SLC41A2: variants seen among roughly 807,000 people sequenced by gnomAD.
SLC41A2 encodes solute carrier family 41 member 2.
In SLC41A2, 32 loss-of-function variants were observed where a neutral mutation model predicts 58.3. The ratio of observed to expected loss-of-function variants is 0.55; its 90% CI spans 0.41 to 0.74. The LOEUF (loss-of-function observed/expected upper bound fraction) is 0.74, where lower values mean the gene tolerates loss of function less well. SLC41A2 is among the 30% of genes least tolerant of loss of function. The pLI, the probability that SLC41A2 is intolerant of heterozygous loss-of-function variation, is 0.00. For synonymous variants in SLC41A2, 190 were observed against 235.0 expected, an observed-to-expected ratio of 0.81 and a Z score of 1.75; for missense variants, 514 against 680.6, an observed-to-expected ratio of 0.76 and a Z score of 2.72.
upstream of SLC41A2, chr12:104,958,417 G>T (rs2048259179): frequency 6.6e-6 from 1 of 150,906 alleles, no homozygotes; most frequent in South Asian, 2.1e-4. Context: ...CCCGCGGGGC[G>T]GCGACCCGGA....
chr12:104,948,631 G>A (rs2047825456), intron 1 of SLC41A2, among the ~76,000 whole-genome samples: 1 of 152,182 alleles, frequency 6.6e-6, no homozygotes, highest in Non-Finnish European at 1.5e-5. Context: ...TTGAGTTCAT[G>A]ACTTTCTGAC....
intron 10 of SLC41A2, among the ~76,000 whole-genome samples, chr12:104,830,498 C>G (rs1247437963): frequency 3.3e-5 from 5 of 151,800 alleles, no homozygotes; most frequent in African/African-American, 1.2e-4. Context: ...TATTTTTGAT[C>G]CAAGGTTAGT....
intron 6 of SLC41A2, among the ~76,000 whole-genome samples, chr12:104,879,034 G>T (rs1365020694): frequency 1.3e-5 from 2 of 152,158 alleles, no homozygotes; most frequent in Non-Finnish European, 2.9e-5. Context: ...ATCTCATTGT[G>T]GTTTTGATTT....
intron 1 of SLC41A2, among the ~76,000 whole-genome samples, chr12:104,937,791 C>G (rs1362403939): frequency 2.0e-5 from 3 of 152,126 alleles, no homozygotes; most frequent in Non-Finnish European, 4.4e-5. Flanking sequence ...AAAGTCTGTA[C>G]TTTAAATGGT....
intron 6 of SLC41A2, among the ~76,000 whole-genome samples, chr12:104,870,397 T>C (rs1386617185): frequency 6.6e-6 from 1 of 152,248 alleles, no homozygotes; most frequent in Non-Finnish European, 1.5e-5. Context: ...GTAATTGTTC[T>C]GGTTTCCAGA....
intron 6 of SLC41A2, among the ~76,000 whole-genome samples, chr12:104,873,850 C>T (rs2043908116): frequency 1.3e-5 from 2 of 151,964 alleles, no homozygotes; most frequent in Non-Finnish European, 2.9e-5. Flanking sequence ...CTACTCAGGT[C>T]CTTTGCCCAG....
chr12:104,806,716 TCCAGGA>T (rs2040920949), intron 10 of SLC41A2, among the ~76,000 whole-genome samples: 1 of 152,032 alleles, frequency 6.6e-6, no homozygotes, highest in Non-Finnish European at 1.5e-5. Context: ...CCACATCCTC[TCCAGGA>T]CCTGTTGTTT....
chr12:104,946,068 T>C (rs926248090), intron 1 of SLC41A2, among the ~76,000 whole-genome samples: 4 of 152,248 alleles, frequency 2.6e-5, no homozygotes, highest in Admixed American at 2.6e-4. Context: ...CATTAAAATT[T>C]TTTTATCTTT....
chr12:104,853,708 AATGTATGTATGTATGTATGTATGT>A (rs57299241), intron 8 of SLC41A2, among the ~76,000 whole-genome samples: 43 of 142,680 alleles, frequency 3.0e-4, no homozygotes, highest in African/African-American at 1.1e-3. Flanking sequence ...TTTTTAAATA[AATGTATGTATGTATGTATGTATGT>A]ATGTATGTAT....
intron 4 of SLC41A2, among the ~76,000 whole-genome samples, chr12:104,894,519 C>A (rs975996836): frequency 6.6e-6 from 1 of 152,296 alleles, no homozygotes; most frequent in East Asian, 1.9e-4. Context: ...TGTGATCTTA[C>A]AAGCACTTGT....
intron 6 of SLC41A2, among the ~76,000 whole-genome samples, chr12:104,880,452 T>C (rs1295838602): frequency 1.3e-5 from 2 of 152,218 alleles, no homozygotes; most frequent in African/African-American, 4.8e-5. Flanking sequence ...GGCTGTGGGT[T>C]TGTCATAAAT....
At chr12:104,897,805 TGGCA>T (rs1300777696) in intron 3 of SLC41A2, among the ~76,000 whole-genome samples, 1 of 152,184 alleles carries the variant, frequency 6.6e-6, no homozygotes, top group Non-Finnish European at 1.5e-5. Context: ...GATAGAGGTA[TGGCA>T]GGACACAGAA....
At chr12:104,847,985 G>C (rs1351841896) in intron 8 of SLC41A2, among the ~76,000 whole-genome samples, 1 of 152,148 alleles carries the variant, frequency 6.6e-6, no homozygotes, top group Non-Finnish European at 1.5e-5. Flanking sequence ...AATACTATCA[G>C]CCAGTTTAAT....
intron 1 of SLC41A2, among the ~76,000 whole-genome samples, chr12:104,932,568 T>C (rs74458435): frequency 0.015 from 2,133 of 144,502 alleles, 63 homozygotes; most frequent in African/African-American, 0.052. Flanking sequence ...AAGGCTGCAG[T>C]GATTTGTGTT....
chr12:104,875,199 C>A (rs1178272102), intron 6 of SLC41A2, among the ~76,000 whole-genome samples: 1 of 152,182 alleles, frequency 6.6e-6, no homozygotes, highest in Non-Finnish European at 1.5e-5. Flanking sequence ...TTGTTGAATT[C>A]AGTTTGCTAG....
intron 7 of SLC41A2, among the ~76,000 whole-genome samples, chr12:104,862,274 G>T (rs2043240427): frequency 6.6e-6 from 1 of 152,066 alleles, no homozygotes; most frequent in Admixed American, 6.6e-5. Context: ...TAAAATAAAG[G>T]AATTATGCCT....
At chr12:104,940,544 A>G (rs75420520) in intron 1 of SLC41A2, among the ~76,000 whole-genome samples, 50 of 143,638 alleles carry the variant, frequency 3.5e-4, no homozygotes, top group African/African-American at 9.9e-4. Context: ...AAAAAAAAAA[A>G]GGCTCACCTC....
chr12:104,900,559 T>C (rs1440634850), intron 3 of SLC41A2, among the ~76,000 whole-genome samples: 1 of 152,186 alleles, frequency 6.6e-6, no homozygotes, highest in Non-Finnish European at 1.5e-5. Context: ...AAAACCTAAT[T>C]GATTAAAAAC....
chr12:104,889,123 A>T lies in SLC41A2; in HGVS notation c.790T>A (p.Trp264Arg), dbSNP rs1385707356. 1.2e-6 allele frequency: 2 copies of T among 1,611,454 alleles called. No individual in the cohort carries two copies. Among genetic ancestry groups the T allele is most frequent in the South Asian group, 2.2e-5 (2 of 90,226 alleles). ...AGGTAATATTTTCCTTCTGGAATCC[A>T]GCCCAATATAATTGCTGCCACAGCT... ...LAAVAAIILG[W>R]IPEGKYYLDH... Residue 264 changes from tryptophan to arginine, a missense_variant, in exon 5 of 11, where the codon TGG (tryptophan) becomes AGG (arginine). Physicochemically the swap from Trp to Arg is moderately radical, Grantham distance 101. Coordinates refer to ENST00000258538, the MANE Select transcript of SLC41A2 (RefSeq NM_001352171.3).
Sources: allele counts gnomAD v4.1 joint callset (sites outside exome capture counted in the v4.1 genomes callset), GRCh38; gene constraint gnomAD v4.1.1; transcripts MANE v1.5; gene names NCBI Gene and HGNC (gene_info 2026-07-23, HGNC 2026-07-21).